Variants in TFDP2 observed in about 807,000 individuals in gnomAD.
TFDP2 encodes the protein transcription factor Dp-2, also known as transcription factor Dp-2 (E2F dimerization partner 2).
In TFDP2, 17 loss-of-function variants were observed where a neutral mutation model predicts 59.3. That is an observed-to-expected ratio of 0.29 (90% CI 0.20 to 0.43). The LOEUF (loss-of-function observed/expected upper bound fraction) is 0.43, where lower values mean the gene tolerates loss of function less well. TFDP2 is among the 20% of genes least tolerant of loss of function. The pLI is 1.00. For missense variants in TFDP2, 391 were observed against 528.8 expected, an observed-to-expected ratio of 0.74 and a Z score of 2.56; for synonymous variants, 180 against 194.7, an observed-to-expected ratio of 0.92 and a Z score of 0.63.
chr3:142,069,018 T>C (rs1233338082), intron 3 of TFDP2, among the ~76,000 whole-genome samples: 2 of 152,020 alleles, frequency 1.3e-5, no homozygotes, highest in South Asian at 4.1e-4. Flanking sequence ...TTGGTTCAAC[T>C]GATTCTCCTG....
chr3:142,130,925 C>T (rs2062481629), intron 1 of TFDP2, among the ~76,000 whole-genome samples: 1 of 140,574 alleles, frequency 7.1e-6, no homozygotes, highest in Non-Finnish European at 1.5e-5. Context: ...TGGTGGTGGG[C>T]GCCTGTAATC....
rs2107909060 is a variant in TFDP2, at chr3:141,963,802, C to A, written c.884+10G>T. The A allele has an allele frequency of 6.2e-7, 1 of 1,609,678 alleles. No individual in the cohort carries two copies. The highest frequency in any genetic ancestry group is 1.1e-5 in the South Asian group (1 of 90,230). ...GCCAGCCCTGCACCCATCCCTAGTT[C>A]TCCACTCACTTGTCACTGGAGATGC... On this transcript the variant is annotated intron_variant, in intron 10 of 12. Transcript: ENST00000489671.
intron 3 of TFDP2, among the ~76,000 whole-genome samples, chr3:142,084,886 A>C (rs868287678): frequency 2.4e-4 from 37 of 152,174 alleles, no homozygotes; most frequent in Admixed American, 1.5e-3. Context: ...ACAAAAAAAA[A>C]CAGAAAGAAT....
intron 10 of TFDP2, among the ~76,000 whole-genome samples, chr3:141,963,107 C>T (rs748207108): frequency 2.0e-5 from 3 of 151,800 alleles, no homozygotes; most frequent in Admixed American, 6.6e-5. Flanking sequence ...TACATGGATC[C>T]GTCTCACTCT....
intron 3 of TFDP2, among the ~76,000 whole-genome samples, chr3:142,074,975 A>G (rs954888415): frequency 1.2e-4 from 18 of 152,364 alleles, no homozygotes; most frequent in Non-Finnish European, 2.1e-4. Context: ...AGGAAAGGAC[A>G]GTCTTTTCAA....
At chr3:142,105,898 A>C (rs1432380155) in intron 1 of TFDP2, among the ~76,000 whole-genome samples, 1 of 152,222 alleles carries the variant, frequency 6.6e-6, no homozygotes, top group Non-Finnish European at 1.5e-5. Context: ...CCACTTAATT[A>C]AATGAGTCAA....
intron 1 of TFDP2, among the ~76,000 whole-genome samples, chr3:142,110,594 T>G (rs2061620333): frequency 6.6e-6 from 1 of 152,178 alleles, no homozygotes; most frequent in South Asian, 2.1e-4. Context: ...CACTACTCAT[T>G]CATTTACTTA....
At chr3:142,126,115 T>G (rs918900357) in intron 1 of TFDP2, 6 of 151,886 alleles carry the variant, frequency 4.0e-5, no homozygotes, top group African/African-American at 1.4e-4. Context: ...CCAAATCCAC[T>G]AAATCTGACA....
rs1045279 is a variant in TFDP2 at position 141,944,841 on chromosome 3, C to T, written c.*7672G>A. ...TAAAATTTCCATATAAAAATAATGG[C>T]ATTTATTTACAAAGTCTGAGATACT... On this transcript the variant is annotated 3_prime_UTR_variant, in exon 13 of 13. Transcript: ENST00000489671. 0.89 allele frequency: 134,987 copies of T among 152,254 alleles called. 60,031 individuals are homozygous for T. The highest frequency in any genetic ancestry group is 0.97 in the African/African-American group (40,263 of 41,576). The allele number at this position is 152,254 out of a possible 1,614,324, so 9.4% of individuals were successfully genotyped here. A position where few individuals can be genotyped will look rare whatever the true frequency, so the allele number is the denominator to read the frequency against.
At chr3:142,012,966 G>A (rs746616518) in intron 3 of TFDP2, among the ~76,000 whole-genome samples, 10 of 151,830 alleles carry the variant, frequency 6.6e-5, no homozygotes, top group African/African-American at 1.5e-4. Flanking sequence ...GTGAAACCCC[G>A]TCTCTACTAA....
intron 10 of TFDP2, among the ~76,000 whole-genome samples, chr3:141,962,672 G>C (rs1249467013): frequency 6.6e-6 from 1 of 152,190 alleles, no homozygotes; most frequent in Non-Finnish European, 1.5e-5. Flanking sequence ...CTCTTCTTTT[G>C]TGTGTGTGCC....
At chr3:142,111,531 G>C (rs1469763945) in intron 1 of TFDP2, among the ~76,000 whole-genome samples, 1 of 151,408 alleles carries the variant, frequency 6.6e-6, no homozygotes, top group African/African-American at 2.4e-5. Flanking sequence ...AGTTTGAGCT[G>C]AGCTCACCAA....
intron 5 of TFDP2, 42 bp downstream of exon 5, chr3:141,994,977 CT>C (rs35734248): frequency 2.7e-6 from 4 of 1,464,790 alleles, no homozygotes; most frequent in Non-Finnish European, 1.8e-6. Context: ...AATGTCTAAA[CT>C]TTTTTTAAGG....
intron 3 of TFDP2, among the ~76,000 whole-genome samples, chr3:142,034,090 CTTTTTT>C (rs34769821): frequency 9.6e-5 from 9 of 93,766 alleles, no homozygotes; most frequent in African/African-American, 1.6e-4. Flanking sequence ...TTTGCACCAA[CTTTTTT>C]TTTTTTTTTT....
chr3:142,096,988 T>C (rs747947797), intron 2 of TFDP2, among the ~76,000 whole-genome samples: 7 of 152,236 alleles, frequency 4.6e-5, no homozygotes, highest in Non-Finnish European at 1.0e-4. Context: ...CAAATGGCAA[T>C]GGCTTCCAAC....
At chr3:142,012,913 A>C (rs1446102077) in intron 3 of TFDP2, among the ~76,000 whole-genome samples, 1 of 152,088 alleles carries the variant, frequency 6.6e-6, no homozygotes, top group African/African-American at 2.4e-5. Flanking sequence ...CCGAGGCAGG[A>C]GGATCACGAG....
chr3:141,970,689 A>T lies in TFDP2; in HGVS notation c.664-548T>A, dbSNP rs559257686. 3.3e-5 allele frequency among the ~76,000 whole-genome samples: 5 copies of T among 152,340 alleles called. No individual in the cohort carries two copies. In the East Asian group the frequency reaches 5.8e-4, roughly 18 times the overall value. On this transcript the variant is annotated intron_variant, in intron 8 of 12. Transcript: ENST00000489671. ...AATTACTTTGTTATATTACTCCTCT[A>T]AGAATAAGGCAAGATCTTATTTACA... is the stretch of plus-strand genomic sequence containing the variant.
At position 142,106,705 on chromosome 3, in the gene TFDP2, C is replaced by T. The variant is rs116576198; in HGVS notation, c.-92-4864G>A. On this transcript the variant is annotated intron_variant, in intron 1 of 12. Coordinates refer to ENST00000489671, the MANE Select transcript of TFDP2 (RefSeq NM_001178139.2). ...AAAAAAATAAGTTGGATTTCTTCTT[C>T]CAGCTTCATGAACACATTATGTCAA... is the stretch of plus-strand genomic sequence containing the variant. Among the ~76,000 whole-genome samples the T allele has an allele frequency of 9.9e-3, 1,509 of 152,262 alleles. 5 individuals are homozygous for T. Among genetic ancestry groups the T allele is most frequent in the Non-Finnish European group, 0.016 (1,114 of 68,014 alleles).
chr3:142,061,374 T>A (rs966275971), intron 3 of TFDP2, among the ~76,000 whole-genome samples: 9 of 152,134 alleles, frequency 5.9e-5, no homozygotes, highest in Non-Finnish European at 8.8e-5. Context: ...TGAAAAATAC[T>A]GTGATGGTTA....
Sources: gnomAD v4.1 joint callset for allele counts (sites outside exome capture counted in the v4.1 genomes callset) on GRCh38, gnomAD v4.1.1 for gene constraint, MANE v1.5 for transcripts, NCBI Gene and HGNC (gene_info 2026-07-23, HGNC 2026-07-21) for gene names.